Variants in RALGPS1 observed in about 807,000 individuals in gnomAD.
RALGPS1 encodes the protein ras-specific guanine nucleotide-releasing factor RalGPS1.
Under a neutral mutation model 78.8 loss-of-function variants are expected in RALGPS1, and 19 were observed. That is an observed-to-expected ratio of 0.24 (90% CI 0.17 to 0.35). The LOEUF (loss-of-function observed/expected upper bound fraction) is 0.35. Ranked by LOEUF, RALGPS1 falls within the 10% of genes least tolerant of loss-of-function variation. The pLI is 1.00. For synonymous variants in RALGPS1, 228 were observed against 256.3 expected, an observed-to-expected ratio of 0.89 and a Z score of 1.06; for missense variants, 454 against 688.3, an observed-to-expected ratio of 0.66 and a Z score of 3.81.
At chr9:126,933,123 C>T (rs1382557280) in intron 1 of RALGPS1, among the ~76,000 whole-genome samples, 7 of 152,060 alleles carry the variant, frequency 4.6e-5, no homozygotes, top group African/African-American at 1.4e-4. Context: ...AAAAGGAAGG[C>T]GGCGCTGGTG....
At position 127,219,380 on chromosome 9, in the gene RALGPS1, G is replaced by A. The variant is rs1448213631; in HGVS notation, c.*611G>A. On this transcript the variant is annotated 3_prime_UTR_variant, in exon 19 of 19. Coordinates refer to ENST00000259351, the MANE Select transcript of RALGPS1 (RefSeq NM_014636.3). This position sits in a 1 kb window ranked among gnomAD's most constrained non-coding sequence, Gnocchi z 5.0. ...TGCTTTAACCTTAAGTTATAGCCCTGTCCACCGAGGAAGGTCAGGGTGAGA... is the reference window on the plus strand; with the variant it reads ...TGCTTTAACCTTAAGTTATAGCCCTATCCACCGAGGAAGGTCAGGGTGAGA... 6.5e-6 allele frequency: 1 copy of A among 153,702 alleles called. No homozygotes were observed. The highest frequency in any genetic ancestry group is 2.4e-5 in the African/African-American group (1 of 41,452). The allele number at this position is 153,702 out of a possible 1,614,324, so 9.5% of individuals were successfully genotyped here. A position where few individuals can be genotyped will look rare whatever the true frequency, so the allele number is the denominator to read the frequency against.
chr9:127,093,670 G>A, intron 8 of RALGPS1: 1 of 1,584,522 alleles, frequency 6.3e-7, no homozygotes, highest in Non-Finnish European at 8.6e-7. Context: ...TGGTTGCTCA[G>A]GCCTCTCTTG....
intron 11 of RALGPS1, among the ~76,000 whole-genome samples, chr9:127,176,448 C>T (rs893317841): frequency 2.6e-5 from 4 of 152,208 alleles, no homozygotes; most frequent in Non-Finnish European, 5.9e-5. Flanking sequence ...TATCAGAAGA[C>T]TGTAGGAGAC....
At chr9:126,999,991 C>A (rs1354607491) in intron 4 of RALGPS1, among the ~76,000 whole-genome samples, 1 of 152,162 alleles carries the variant, frequency 6.6e-6, no homozygotes, top group Non-Finnish European at 1.5e-5. Context: ...AATTTATTCC[C>A]ATGAAGTTGT....
intron 4 of RALGPS1, among the ~76,000 whole-genome samples, chr9:126,985,002 T>C (rs2041662603): frequency 6.6e-6 from 1 of 152,230 alleles, no homozygotes; most frequent in Non-Finnish European, 1.5e-5. Context: ...TGATATTATT[T>C]CTCCATAATT....
chr9:127,105,098 T>C (rs1430313736), intron 8 of RALGPS1, among the ~76,000 whole-genome samples: 3 of 152,180 alleles, frequency 2.0e-5, no homozygotes, highest in African/African-American at 7.2e-5. Context: ...CCCATTCATC[T>C]TCCACAGCTA....
At chr9:127,163,009 C>T (rs2059107434) in intron 8 of RALGPS1, among the ~76,000 whole-genome samples, 1 of 152,112 alleles carries the variant, frequency 6.6e-6, no homozygotes, top group Non-Finnish European at 1.5e-5. Context: ...GGCAGGATCC[C>T]ATGAGACAGG....
chr9:127,161,449 G>T (rs1306991535), intron 8 of RALGPS1, among the ~76,000 whole-genome samples: 1 of 152,226 alleles, frequency 6.6e-6, no homozygotes, highest in African/African-American at 2.4e-5. Context: ...GGGAGAGCCT[G>T]GGTTCCGAGT....
chr9:127,119,309 C>G (rs2055794920), intron 8 of RALGPS1, among the ~76,000 whole-genome samples: 1 of 152,178 alleles, frequency 6.6e-6, no homozygotes, highest in Non-Finnish European at 1.5e-5. Flanking sequence ...TGAGTAAGTC[C>G]ATGGTTTTCA....
chr9:127,209,431 G>A (rs893089726), intron 14 of RALGPS1, among the ~76,000 whole-genome samples: 5 of 152,234 alleles, frequency 3.3e-5, no homozygotes, highest in African/African-American at 7.2e-5. Flanking sequence ...TGAGAGGGAG[G>A]TGGCCATTGG....
rs1451591931 is a variant in RALGPS1, at chr9:127,154,805, G to A, written c.611-11264G>A. ...TGGAAAATACTTTGGCGACTGAAGC[G>A]GCTGTCTGTGATCTCACTCTCTGGC... is the stretch of plus-strand genomic sequence containing the variant. On this transcript the variant is annotated intron_variant, in intron 8 of 18. Transcript: ENST00000259351. Among the ~76,000 whole-genome samples the A allele has an allele frequency of 5.3e-5, 8 of 152,170 alleles. No individual in the cohort carries two copies. In the East Asian group the frequency reaches 1.5e-3, roughly 29 times the overall value.
intron 11 of RALGPS1, among the ~76,000 whole-genome samples, chr9:127,188,519 G>T (rs995256219): frequency 6.6e-6 from 1 of 152,118 alleles, no homozygotes; most frequent in African/African-American, 2.4e-5. Context: ...CTGAAAGCAG[G>T]AACTGGGGCC....
intron 1 of RALGPS1, among the ~76,000 whole-genome samples, chr9:126,930,005 T>A (rs1009803495): frequency 2.6e-5 from 4 of 152,182 alleles, no homozygotes; most frequent in South Asian, 2.1e-4. Flanking sequence ...GCTTAAAAAA[T>A]TTTTTGTTTA....
intron 8 of RALGPS1, among the ~76,000 whole-genome samples, chr9:127,149,951 G>A (rs1162845522): frequency 2.0e-5 from 3 of 152,186 alleles, no homozygotes; most frequent in South Asian, 2.1e-4. Flanking sequence ...AGCTTCACAC[G>A]ATCACATGCG....
intron 3 of RALGPS1, among the ~76,000 whole-genome samples, chr9:126,973,018 C>A (rs142305957): frequency 4.6e-5 from 7 of 151,468 alleles, no homozygotes; most frequent in African/African-American, 1.7e-4. Flanking sequence ...GCCGAGATTG[C>A]GCCACTGCAC....
chr9:127,070,391 T>A (rs925644531), intron 8 of RALGPS1, among the ~76,000 whole-genome samples: 11 of 152,226 alleles, frequency 7.2e-5, no homozygotes, highest in Admixed American at 5.9e-4. Flanking sequence ...AAAAACTTTC[T>A]ACATGTAGTT....
At chr9:127,000,837 A>C (rs1340125902) in intron 4 of RALGPS1, among the ~76,000 whole-genome samples, 2 of 150,386 alleles carry the variant, frequency 1.3e-5, no homozygotes, top group African/African-American at 2.4e-5. Flanking sequence ...TATAGGTGTG[A>C]GCCACCGCGC....
Position 126,962,355 on chromosome 9 carries a change from G to T in RALGPS1, c.57+9G>T, listed in dbSNP as rs1360258503. 3 of 1,613,886 alleles carry T rather than the reference G, an allele frequency of 1.9e-6. No homozygotes were observed. Among genetic ancestry groups the T allele is most frequent in the Non-Finnish European group, 2.5e-6 (3 of 1,179,918 alleles). On this transcript the variant is annotated intron_variant, in intron 2 of 18. Coordinates refer to ENST00000259351, the MANE Select transcript of RALGPS1 (RefSeq NM_014636.3). The stretch of plus-strand genomic sequence containing the variant: ...CCTCTGCCACTCCACAGGTACTGAG[G>T]CTGCAAGAATCGGGACAGTGGGTAG...
chr9:127,143,417 T>G (rs1404254208), intron 8 of RALGPS1, among the ~76,000 whole-genome samples: 1 of 152,228 alleles, frequency 6.6e-6, no homozygotes, highest in Non-Finnish European at 1.5e-5. Flanking sequence ...GGCTTTTATT[T>G]ATTAATTTAC....
Sources: allele counts gnomAD v4.1 joint callset (sites outside exome capture counted in the v4.1 genomes callset), GRCh38; gene constraint gnomAD v4.1.1; non-coding constraint Gnocchi (gnomAD v3.1); transcripts MANE v1.5; gene names NCBI Gene and HGNC (gene_info 2026-07-23, HGNC 2026-07-21).